Variants in TOP6BL observed in about 807,000 individuals in gnomAD.
TOP6BL encodes TOP6B like initiator of meiotic double strand breaks.
chr11:66,816,021 C>T, the TOP6BL span: 1 of 1,551,206 alleles, frequency 6.4e-7, no homozygotes, highest in Non-Finnish European at 8.8e-7. Flanking sequence ...CTTTACTTAT[C>T]TTAGAAATTC....
chr11:66,803,907 A>C, the TOP6BL span: 1 of 1,086,232 alleles, frequency 9.2e-7, no homozygotes, highest in Non-Finnish European at 1.3e-6. Context: ...TACATATGCT[A>C]GAGGTTACAA....
At chr11:66,837,735 G>A in the TOP6BL span, among the ~76,000 whole-genome samples, 21 of 152,070 alleles carry the variant, frequency 1.4e-4, no homozygotes, top group South Asian at 6.2e-4. Flanking sequence ...ATGAGCCACC[G>A]CGCCTGGCTA....
the TOP6BL span, among the ~76,000 whole-genome samples, chr11:66,760,820 AAAG>A: frequency 6.6e-6 from 1 of 151,950 alleles, no homozygotes; most frequent in African/African-American, 2.4e-5. Flanking sequence ...ACAAACAAAA[AAAG>A]GGAACAACCA....
the TOP6BL span, among the ~76,000 whole-genome samples, chr11:66,752,494 C>G: frequency 6.6e-6 from 1 of 151,972 alleles, no homozygotes; most frequent in Non-Finnish European, 1.5e-5. Context: ...CTCTGTCACC[C>G]AGGGTGGAGT....
chr11:66,763,657 T>C, the TOP6BL span, among the ~76,000 whole-genome samples: 1 of 152,052 alleles, frequency 6.6e-6, no homozygotes, highest in African/African-American at 2.4e-5. Flanking sequence ...CAGACTGGGG[T>C]GCAATGGTGT....
chr11:66,762,033 T>G, the TOP6BL span: 1 of 1,474,590 alleles, frequency 6.8e-7, no homozygotes, highest in East Asian at 2.3e-5. Flanking sequence ...AGTGATTTTT[T>G]CCCCCCAGCA....
At chr11:66,801,519 T>C in the TOP6BL span, among the ~76,000 whole-genome samples, 1 of 152,198 alleles carries the variant, frequency 6.6e-6, no homozygotes, top group Non-Finnish European at 1.5e-5. Context: ...TCTCTGCCCA[T>C]CTCCATCTTC....
At chr11:66,788,332 TAAC>T in the TOP6BL span, 7 of 1,253,860 alleles carry the variant, frequency 5.6e-6, no homozygotes, top group Admixed American at 8.0e-5. Context: ...TGCAATCTAA[TAAC>T]AAGAAAGAAA....
the TOP6BL span, among the ~76,000 whole-genome samples, chr11:66,755,750 A>G: frequency 1.3e-5 from 2 of 152,212 alleles, no homozygotes; most frequent in Non-Finnish European, 2.9e-5. Context: ...GGAGACTCAG[A>G]AATCTGTTCC....
the TOP6BL span, chr11:66,771,682 C>T: frequency 6.2e-6 from 1 of 160,754 alleles, no homozygotes; most frequent in Non-Finnish European, 1.4e-5. Flanking sequence ...GTCTAGTTGG[C>T]AAGAAGGAGC....
chr11:66,842,586 T>A, the TOP6BL span, among the ~76,000 whole-genome samples: 1 of 152,156 alleles, frequency 6.6e-6, no homozygotes, highest in African/African-American at 2.4e-5. Context: ...AGAAAGTTAC[T>A]GAGCGGCCTG....
chr11:66,822,655 T>G, the TOP6BL span: 10 of 1,549,346 alleles, frequency 6.5e-6, no homozygotes, highest in Admixed American at 1.8e-4. Context: ...TTCCGAAAGA[T>G]GTGTCTCCAG....
the TOP6BL span, among the ~76,000 whole-genome samples, chr11:66,814,409 C>T: frequency 6.6e-6 from 1 of 152,114 alleles, no homozygotes; most frequent in African/African-American, 2.4e-5. Context: ...CAGGTGCCTA[C>T]CACCATGCCT....
the TOP6BL span, chr11:66,842,831 G>A: frequency 6.5e-7 from 1 of 1,544,468 alleles, no homozygotes; most frequent in Non-Finnish European, 8.7e-7. Context: ...AAGATGAAGA[G>A]GCTTGTTTTT....
chr11:66,772,173 C>T, the TOP6BL span, among the ~76,000 whole-genome samples: 5 of 152,068 alleles, frequency 3.3e-5, no homozygotes, highest in Non-Finnish European at 7.4e-5. Context: ...TGTGGCCCGG[C>T]CAGTAAGTGG....
the TOP6BL span, chr11:66,803,875 G>C: frequency 2.9e-6 from 2 of 684,568 alleles, no homozygotes; most frequent in Non-Finnish European, 4.7e-6. Flanking sequence ...CAACAAAACT[G>C]ATATGGCAGG....
chr11:66,814,589 C>T, the TOP6BL span, among the ~76,000 whole-genome samples: 2 of 152,080 alleles, frequency 1.3e-5, no homozygotes, highest in African/African-American at 2.4e-5. Flanking sequence ...TACTGGTTCT[C>T]CTCTTACTTC....
the TOP6BL span, among the ~76,000 whole-genome samples, chr11:66,841,425 C>G: frequency 6.6e-6 from 1 of 152,156 alleles, no homozygotes; most frequent in Admixed American, 6.5e-5. Flanking sequence ...CAAGAGGCCT[C>G]TCCCACATCC....
chr11:66,764,954 T>A, the TOP6BL span, among the ~76,000 whole-genome samples: 69 of 151,290 alleles, frequency 4.6e-4, no homozygotes, highest in African/African-American at 1.6e-3. Context: ...GGTGACAGAG[T>A]GAGATCTTGT....
Sources: allele counts gnomAD v4.1 joint callset (sites outside exome capture counted in the v4.1 genomes callset), GRCh38; gene constraint gnomAD v4.1.1; transcripts MANE v1.5; gene names NCBI Gene and HGNC (gene_info 2026-07-23, HGNC 2026-07-21).